ZNF594: variants seen among roughly 807,000 people sequenced by gnomAD.
ZNF594 encodes the protein zinc finger protein 594, also known as zinc finger protein HZF18.
For synonymous variants in ZNF594, 336 were observed against 309.4 expected (o/e 1.09, Z -0.90); for missense variants, 1,037 against 964.6 (o/e 1.08, Z -0.99).
At chr17:5,189,055 G>A (rs2074405171) in intron 1 of ZNF594, among the ~76,000 whole-genome samples, 3 of 146,410 alleles carry the variant, frequency 2.0e-5, no homozygotes, top group South Asian at 4.3e-4. Context: ...CCAAAAATTT[G>A]ACATTTTTAA....
rs2074367611 is a variant in ZNF594 at position 5,183,826 on chromosome 17, A to G, written c.431T>C (p.Ile144Thr). 2 of 1,614,108 alleles carry G rather than the reference A, an allele frequency of 1.2e-6. No individual in the cohort carries two copies. Among genetic ancestry groups the G allele is most frequent in the South Asian group, 1.1e-5 (1 of 91,074 alleles). ...KTFNRSSNLI[I>T]HQRIHTGNKP... The stretch of plus-strand genomic sequence containing the variant: ...ATTTCCTGTATGAATTCTCTGATGT[A>G]TGATCAGGTTTGAACTCCTGTTGAA... Residue 144 changes from isoleucine to threonine, a missense_variant, in exon 2 of 2, where the codon ATA (isoleucine) becomes ACA (threonine). Transcript: ENST00000575779.
rs1380367122 is a variant in ZNF594, at chr17:5,181,804, A to C, written c.*29T>G. On this transcript the variant is annotated 3_prime_UTR_variant, in exon 2 of 2. Transcript: ENST00000575779. ...CTAAAAGATTCCCCACATTTATTGCATACGTAAGGTTTTTCTCCACTGTGA... is the reference window on the plus strand; with the variant it reads ...CTAAAAGATTCCCCACATTTATTGCCTACGTAAGGTTTTTCTCCACTGTGA... 5 of 1,613,742 alleles carry C rather than the reference A, an allele frequency of 3.1e-6. No homozygotes were observed. The South Asian group carries it at 5.5e-5, about 18-fold the overall frequency.
Position 5,180,010 on chromosome 17 carries a change from A to G in ZNF594, c.*1823T>C, listed in dbSNP as rs2074327941. 1 of 151,848 alleles carries G rather than the reference A, an allele frequency of 6.6e-6. No individual in the cohort carries two copies. Among genetic ancestry groups the G allele is most frequent in the African/African-American group, 2.4e-5 (1 of 41,314 alleles). 9.4% of individuals were successfully genotyped at this position (151,848 alleles called of 1,614,324 possible). On this transcript the variant is annotated 3_prime_UTR_variant, in exon 2 of 2. Transcript: ENST00000575779. ...CCCTGTAAGTATCCTGTTTATCCTT[A>G]TAAACATTAGCTCTCACTGTACAGC...
In ZNF594 at chr17:5,182,031, G is replaced by C. The variant is rs753014538; in HGVS notation, c.2226C>G (p.Phe742Leu). The C allele has an allele frequency of 3.1e-6, 5 of 1,613,528 alleles. No individual in the cohort carries two copies. In the Admixed American group the frequency reaches 5.0e-5, roughly 16 times the overall value. ...CTTTTCTAAGCTCCTCATCCTTGCT[G>C]AAGGTTTTCTCACATTCTTCAAGTT... ...GEKLEECEKT[F>L]SKDEELRKEQ... The change falls in exon 2 of 2, where the codon TTC becomes TTG. Residue 742 changes from phenylalanine to leucine, a missense_variant. Transcript: ENST00000575779.
chr17:5,177,758 T>C (rs2074315866), downstream of ZNF594, among the ~76,000 whole-genome samples: 2 of 151,902 alleles, frequency 1.3e-5, no homozygotes, highest in South Asian at 4.2e-4. Context: ...ATTGCTTGAA[T>C]CCAGGAGGCG....
chr17:5,187,360 C>T (rs1463901681), intron 1 of ZNF594, among the ~76,000 whole-genome samples: 1 of 152,192 alleles, frequency 6.6e-6, no homozygotes, highest in African/African-American at 2.4e-5. Context: ...AAATTATCTC[C>T]CACCAGGTCC....
chr17:5,175,031 A>G (rs1195321834), downstream of ZNF594: 5 of 180,582 alleles, frequency 2.8e-5, no homozygotes, highest in Non-Finnish European at 4.7e-5. Flanking sequence ...CAGAAAGTCA[A>G]ATTCTTCAGC....
chr17:5,182,609 T>G lies in ZNF594; in HGVS notation c.1648A>C (p.Ser550Arg). ...GEKLECEKTF[S>R]QDEELRGEQK... ...TCTCCCCTAAGCTCCTCATCCTGGC[T>G]GAAGGTTTTCTCACATTCAAGTTTC... The change falls in exon 2 of 2, where the codon AGC becomes CGC. Residue 550 changes from serine to arginine, a missense_variant. Transcript: ENST00000575779. 6.2e-7 allele frequency: 1 copy of G among 1,613,654 alleles called. No homozygotes were observed. Among genetic ancestry groups the G allele is most frequent in the East Asian group, 2.2e-5 (1 of 44,848 alleles).
In ZNF594 at chr17:5,183,604, T is replaced by G; in HGVS notation, c.653A>C (p.Lys218Thr). Reference sequence around the variant, plus strand: ...AAGGTTTGAGCTTCCCTTAAAAGCCTTCCCACACTCTTTGCACTCATAGGG... The same window carrying G: ...AAGGTTTGAGCTTCCCTTAAAAGCCGTCCCACACTCTTTGCACTCATAGGG... ...GNPYECKECG[K>T]AFKGSSNLVL... The change falls in exon 2 of 2, where the codon AAG (lysine) becomes ACG (threonine). Residue 218 changes from lysine (K) to threonine (T), a missense_variant. By Grantham distance (78) the Lys-to-Thr change is moderately conservative. Transcript: ENST00000575779. The G allele has an allele frequency of 6.2e-7, 1 of 1,614,182 alleles. No individual in the cohort carries two copies. The highest frequency in any genetic ancestry group is 8.5e-7 in the Non-Finnish European group (1 of 1,180,016).
At position 5,182,003 on chromosome 17, in the gene ZNF594, G is replaced by A; in HGVS notation, c.2254C>T (p.Gln752Ter). ...ACTTTCTTTTCCTGGTGAGTTCTCT[G>A]CTCTTTTCTAAGCTCCTCATCCTTG... ...FSKDEELRKE[Q>*]RTHQEKKVYW... Residue 752 changes from glutamine to a stop codon, truncating the protein, a stop_gained, in exon 2 of 2, where the codon CAG becomes TAG. Transcript: ENST00000575779. LOFTEE classifies it low-confidence loss of function (END_TRUNC). 6.2e-7 allele frequency: 1 copy of A among 1,613,404 alleles called. No homozygotes were observed.
intron 1 of ZNF594, among the ~76,000 whole-genome samples, chr17:5,190,553 G>C (rs529082920): frequency 6.6e-6 from 1 of 152,242 alleles, no homozygotes; most frequent in East Asian, 1.9e-4. Flanking sequence ...TCATGGGCAC[G>C]CATTAGGTGA....
At chr17:5,185,924 C>T (rs2074383016) in intron 1 of ZNF594, among the ~76,000 whole-genome samples, 1 of 152,194 alleles carries the variant, frequency 6.6e-6, no homozygotes, top group Non-Finnish European at 1.5e-5. Flanking sequence ...TCTTGGGCAA[C>T]TCCACCCCTG....
At position 5,182,263 on chromosome 17, in the gene ZNF594, G is replaced by C; in HGVS notation, c.1994C>G (p.Ser665Ter). The C allele has an allele frequency of 1.9e-6, 3 of 1,613,514 alleles. No individual in the cohort carries two copies. Among genetic ancestry groups the C allele is most frequent in the Non-Finnish European group, 1.7e-6 (2 of 1,179,974 alleles). Residue 665 changes from serine (S) to a stop codon, truncating the protein, a stop_gained, in exon 2 of 2, where the codon TCA (serine) becomes TGA (stop). Coordinates refer to ENST00000575779, the MANE Select transcript of ZNF594 (RefSeq NM_032530.2). LOFTEE classifies it low-confidence loss of function (END_TRUNC). ...SECGKAFSQR[S>*]HLATHQKIHT... is the part of the protein sequence containing the mutation. ...GATTTTCTGGTGTGTAGCAAGGTGTGACCTCTGGCTGAAGGCTTTCCCACA... is the reference window on the plus strand; with the variant it reads ...GATTTTCTGGTGTGTAGCAAGGTGTCACCTCTGGCTGAAGGCTTTCCCACA...
chr17:5,184,576 C>G (rs900275982), intron 1 of ZNF594, among the ~76,000 whole-genome samples: 1 of 152,104 alleles, frequency 6.6e-6, no homozygotes, highest in African/African-American at 2.4e-5. Context: ...AGGAAGTGGC[C>G]TGTTGGATGG....
intron 1 of ZNF594, chr17:5,191,394 G>C (rs978637791): frequency 6.6e-6 from 1 of 151,962 alleles, no homozygotes; most frequent in African/African-American, 2.4e-5. Context: ...TCACTCGTGG[G>C]ATGCAAAAAC....
chr17:5,187,892 T>TC (rs1555610762), intron 1 of ZNF594, among the ~76,000 whole-genome samples: 1 of 150,160 alleles, frequency 6.7e-6, no homozygotes, highest in Non-Finnish European at 1.5e-5. Context: ...ATTTCCTTTT[T>TC]TTTTTTTTTT....
At position 5,181,233 on chromosome 17, in the gene ZNF594, G is replaced by A. The variant is rs1328326720; in HGVS notation, c.*600C>T. On this transcript the variant is annotated 3_prime_UTR_variant, in exon 2 of 2. Coordinates refer to ENST00000575779, the MANE Select transcript of ZNF594 (RefSeq NM_032530.2). ...TTTCCCACATTTGTTGCATACATAA[G>A]GTTTTTCTCCACTGTGAATTCTATG... 1.2e-6 allele frequency: 2 copies of A among 1,612,076 alleles called. No individual in the cohort carries two copies. Among genetic ancestry groups the A allele is most frequent in the Non-Finnish European group, 1.7e-6 (2 of 1,178,260 alleles).
Position 5,183,695 on chromosome 17 carries a change from A to C in ZNF594, c.562T>G (p.Cys188Gly). 1 of 1,614,160 alleles carries C rather than the reference A, an allele frequency of 6.2e-7. No homozygotes were observed. Among genetic ancestry groups the C allele is most frequent in the Non-Finnish European group, 8.5e-7 (1 of 1,180,036 alleles). The change falls in exon 2 of 2, where the codon TGT (cysteine) becomes GGT (glycine). Residue 188 changes from cysteine to glycine, a missense_variant. By Grantham distance (159) the Cys-to-Gly change is radical (BLOSUM62 -3). Transcript: ENST00000575779. ...GAGCTCTGATTGAAGTCTTTTCCAC[A>C]TTCATGACATATATAAGGTTTCTTT... ...TGKKPYICHE[C>G]GKDFNQSSNL...
Position 5,182,265 on chromosome 17 carries a change from C to T in ZNF594, c.1992G>A (p.Arg664=), listed in dbSNP as rs1362394267. Residue 664 remains arginine, a synonymous_variant, in exon 2 of 2, where the codon AGG becomes AGA. Coordinates refer to ENST00000575779, the MANE Select transcript of ZNF594 (RefSeq NM_032530.2). ...TTTTCTGGTGTGTAGCAAGGTGTGA[C>T]CTCTGGCTGAAGGCTTTCCCACATT... ...CSECGKAFSQ[R]SHLATHQKIH... The T allele has an allele frequency of 1.9e-6, 3 of 1,613,314 alleles. No homozygotes were observed. The highest frequency in any genetic ancestry group is 2.5e-6 in the Non-Finnish European group (3 of 1,179,936).
Sources: allele counts gnomAD v4.1 joint callset (sites outside exome capture counted in the v4.1 genomes callset), GRCh38; gene constraint gnomAD v4.1.1; transcripts MANE v1.5; gene names NCBI Gene and HGNC (gene_info 2026-07-23, HGNC 2026-07-21).